PELI2: variants seen among roughly 807,000 people sequenced by gnomAD.
PELI2 encodes pellino E3 ubiquitin protein ligase family member 2.
A neutral mutation model predicts 42.3 loss-of-function variants in PELI2; 23 were observed. That is an observed-to-expected ratio of 0.54 (90% CI 0.39 to 0.77). The LOEUF (loss-of-function observed/expected upper bound fraction) is 0.77, where lower values mean the gene tolerates loss of function less well. Among genes scored for constraint, PELI2 ranks in the 30% least tolerant of loss-of-function variants. The pLI, the probability that PELI2 is intolerant of heterozygous loss-of-function variation, is 0.00. For missense variants in PELI2, 463 were observed against 553.2 expected (o/e 0.84, Z 1.64); for synonymous variants, 245 against 212.2 (o/e 1.15, Z -1.34).
At chr14:56,281,383 T>A (rs1449750079) in intron 3 of PELI2, among the ~76,000 whole-genome samples, 2 of 152,116 alleles carry the variant, frequency 1.3e-5, no homozygotes. Flanking sequence ...AAAAAAGGCA[T>A]ATGTCCACTT....
intron 2 of PELI2, among the ~76,000 whole-genome samples, chr14:56,179,327 TG>T (rs1885503048): frequency 6.6e-6 from 1 of 152,208 alleles, no homozygotes; most frequent in African/African-American, 2.4e-5. Context: ...CCATTTTTCC[TG>T]AAAACCCACT....
chr14:56,253,474 C>G (rs1246512011), intron 2 of PELI2, among the ~76,000 whole-genome samples: 4 of 152,156 alleles, frequency 2.6e-5, no homozygotes. Context: ...ACCCAAACTC[C>G]TTAAGGTGAT....
intron 1 of PELI2, among the ~76,000 whole-genome samples, chr14:56,165,753 C>T (rs1028058245): frequency 7.2e-5 from 11 of 152,122 alleles, no homozygotes; most frequent in East Asian, 3.9e-4. Flanking sequence ...GCCCCTTTAT[C>T]GTTATATAGT....
chr14:56,159,996 A>G (rs1297487827), intron 1 of PELI2, among the ~76,000 whole-genome samples: 1 of 152,098 alleles, frequency 6.6e-6, no homozygotes, highest in Non-Finnish European at 1.5e-5. Context: ...AGTTCTTTTC[A>G]TAAACAGTTT....
intron 2 of PELI2, among the ~76,000 whole-genome samples, chr14:56,242,571 C>G (rs187158104): frequency 2.6e-5 from 4 of 152,308 alleles, no homozygotes; most frequent in Admixed American, 2.6e-4. Flanking sequence ...AGCGGCACAA[C>G]TTGCAATTGC....
chr14:56,266,695 G>GA (rs1888918886), intron 2 of PELI2, among the ~76,000 whole-genome samples: 1 of 152,004 alleles, frequency 6.6e-6, no homozygotes, highest in Admixed American at 6.6e-5. Flanking sequence ...ATCAATATCA[G>GA]AAGTGGACAT....
intron 2 of PELI2, among the ~76,000 whole-genome samples, chr14:56,279,155 G>T (rs748462323): frequency 2.6e-5 from 4 of 152,146 alleles, no homozygotes; most frequent in Admixed American, 6.5e-5. Context: ...ATGTAGAACA[G>T]AATACAAATA....
chr14:56,125,429 A>G (rs1004330630), intron 1 of PELI2, among the ~76,000 whole-genome samples: 1 of 151,706 alleles, frequency 6.6e-6, no homozygotes, highest in Middle Eastern at 3.4e-3. Context: ...GGGGGGGTGA[A>G]TTGGCAGGGT....
chr14:56,240,128 G>A (rs1057153385), intron 2 of PELI2, among the ~76,000 whole-genome samples: 3 of 152,120 alleles, frequency 2.0e-5, no homozygotes, highest in African/African-American at 7.2e-5. Flanking sequence ...GTTGTTTCAA[G>A]GGCAGTGAGA....
At chr14:56,205,770 CT>C (rs1886496400) in intron 2 of PELI2, among the ~76,000 whole-genome samples, 1 of 152,108 alleles carries the variant, frequency 6.6e-6, no homozygotes, top group African/African-American at 2.4e-5. Flanking sequence ...TTTGAGGGCC[CT>C]TGTGCTCAGG....
chr14:56,207,292 T>C (rs1479633149), intron 2 of PELI2, among the ~76,000 whole-genome samples: 2 of 152,240 alleles, frequency 1.3e-5, no homozygotes, highest in Non-Finnish European at 2.9e-5. Context: ...GAACAGCTTC[T>C]GCTATTGACT....
At chr14:56,146,623 T>C (rs1029440748) in intron 1 of PELI2, among the ~76,000 whole-genome samples, 3 of 152,180 alleles carry the variant, frequency 2.0e-5, no homozygotes, top group African/African-American at 7.2e-5. Context: ...TACACAGTCA[T>C]AGGGTCTTGG....
chr14:56,235,786 G>A, intron 2 of PELI2, among the ~76,000 whole-genome samples: 1 of 152,174 alleles, frequency 6.6e-6, no homozygotes, highest in East Asian at 1.9e-4. Context: ...GGAGCTGTCT[G>A]CCCAGTTTTC....
chr14:56,298,728 CTT>C lies in PELI2; in HGVS notation c.*1563_*1564del, dbSNP rs1301388115. The C allele has an allele frequency of 1.3e-5, 2 of 152,608 alleles. No homozygotes were observed. The highest frequency in any genetic ancestry group is 2.4e-5 in the African/African-American group (1 of 41,436). The allele number at this position is 152,608 out of a possible 1,614,324, so 9.5% of individuals were successfully genotyped here. A position where few individuals can be genotyped will look rare whatever the true frequency, so the allele number is the denominator to read the frequency against. On this transcript the variant is annotated 3_prime_UTR_variant, in exon 6 of 6. Transcript: ENST00000267460. Reference sequence around the variant, plus strand: ...CTTAAAGTGATACGATAATATTACTCTTGATTGCTGCTGCTTAATTTGATGTA... The same window carrying C: ...CTTAAAGTGATACGATAATATTACTCGATTGCTGCTGCTTAATTTGATGTA...
At chr14:56,146,550 A>T (rs1190091016) in intron 1 of PELI2, among the ~76,000 whole-genome samples, 2 of 152,128 alleles carry the variant, frequency 1.3e-5, no homozygotes, top group Non-Finnish European at 2.9e-5. Context: ...AACTTGAAGG[A>T]TGAGAAGGAT....
intron 3 of PELI2, among the ~76,000 whole-genome samples, chr14:56,284,074 T>G (rs1889570470): frequency 6.6e-6 from 1 of 152,182 alleles, no homozygotes; most frequent in African/African-American, 2.4e-5. Flanking sequence ...TAGGGTTAAT[T>G]GAGTATTTAA....
At chr14:56,280,089 T>C (rs1889424525) in intron 3 of PELI2, among the ~76,000 whole-genome samples, 1 of 152,170 alleles carries the variant, frequency 6.6e-6, no homozygotes, top group South Asian at 2.1e-4. Context: ...AAGTAGCATT[T>C]GAATGAAAGG....
At chr14:56,247,175 A>G (rs1888193147) in intron 2 of PELI2, among the ~76,000 whole-genome samples, 1 of 152,226 alleles carries the variant, frequency 6.6e-6, no homozygotes, top group South Asian at 2.1e-4. Context: ...GTGTATGAAA[A>G]TCAACATACA....
intron 2 of PELI2, among the ~76,000 whole-genome samples, chr14:56,189,430 A>G (rs181992979): frequency 1.3e-5 from 2 of 152,312 alleles, no homozygotes; most frequent in East Asian, 3.9e-4. Flanking sequence ...TGGAAGTGAC[A>G]TGCTTTTGTT....
Sources: allele counts gnomAD v4.1 joint callset (sites outside exome capture counted in the v4.1 genomes callset), GRCh38; gene constraint gnomAD v4.1.1; transcripts MANE v1.5; gene names NCBI Gene and HGNC (gene_info 2026-07-23, HGNC 2026-07-21).